ZFAND3: variants seen among roughly 807,000 people sequenced by gnomAD.
The protein encoded by ZFAND3 is AN1-type zinc finger protein 3.
Under a neutral mutation model 29.6 loss-of-function variants are expected in ZFAND3, and 10 were observed. The ratio of observed to expected loss-of-function variants is 0.34; its 90% CI spans 0.21 to 0.57. ZFAND3 has a LOEUF of 0.57. Ranked by LOEUF, ZFAND3 falls within the 20% of genes least tolerant of loss-of-function variation. The probability of loss-of-function intolerance (pLI) is 0.86; values close to 1 mark genes in which losing one functional copy is unlikely to be tolerated. For synonymous variants in ZFAND3, 128 were observed against 112.6 expected (o/e 1.14, Z -0.87); for missense variants, 230 against 304.5 (o/e 0.76, Z 1.82).
At chr6:38,002,452 G>A (rs1038591738) in intron 2 of ZFAND3, among the ~76,000 whole-genome samples, 1 of 152,012 alleles carries the variant, frequency 6.6e-6, no homozygotes, top group African/African-American at 2.4e-5. Context: ...GCTGAGGCGG[G>A]CGGATTGCTT....
chr6:37,920,252 T>C (rs1277324375), intron 1 of ZFAND3, among the ~76,000 whole-genome samples: 1 of 152,038 alleles, frequency 6.6e-6, no homozygotes, highest in Non-Finnish European at 1.5e-5. Context: ...TTAGAGTTGA[T>C]AGCCTCATTA....
intron 1 of ZFAND3, among the ~76,000 whole-genome samples, chr6:37,891,697 G>A (rs1425631009): frequency 6.6e-6 from 1 of 152,152 alleles, no homozygotes; most frequent in African/African-American, 2.4e-5. Flanking sequence ...TACATTTATA[G>A]CACATTTCAC....
Position 37,849,599 on chromosome 6 carries a change from G to A in ZFAND3, c.71+29583G>A, listed in dbSNP as rs1034187125. Among the ~76,000 whole-genome samples the A allele has an allele frequency of 1.1e-4, 17 of 151,956 alleles. 1 individual carries two copies. Among genetic ancestry groups the A allele is most frequent in the East Asian group, 1.9e-4 (1 of 5,174 alleles). ...AATTTTTTGTATTTTTAGTAGAGAC[G>A]GGGTTTCACCATATTGACCAGGCTG... On this transcript the variant is annotated intron_variant, in intron 1 of 5. Transcript: ENST00000287218.
chr6:37,898,898 C>CTTATTTATTTAT (rs60885835), intron 1 of ZFAND3, among the ~76,000 whole-genome samples: 237 of 151,110 alleles, frequency 1.6e-3, no homozygotes, highest in African/African-American at 5.3e-3. Flanking sequence ...ATATTCATTT[C>CTTATTTATTTAT]TTATTTATTT....
chr6:37,890,056 TAAG>T (rs903151699), intron 1 of ZFAND3, among the ~76,000 whole-genome samples: 2 of 152,110 alleles, frequency 1.3e-5, no homozygotes, highest in African/African-American at 4.8e-5. Flanking sequence ...TTTTAGATAA[TAAG>T]AAAAAACAGG....
At chr6:38,070,624 T>A (rs1047630411) in intron 3 of ZFAND3, among the ~76,000 whole-genome samples, 2 of 152,202 alleles carry the variant, frequency 1.3e-5, no homozygotes, top group African/African-American at 4.8e-5. Context: ...TTCACTATTA[T>A]GAGCCATGTC....
intron 1 of ZFAND3, among the ~76,000 whole-genome samples, chr6:37,823,507 A>G (rs556996655): frequency 1.3e-5 from 2 of 152,266 alleles, no homozygotes; most frequent in East Asian, 3.9e-4. Context: ...TCAGGACACT[A>G]ATCAGTGTGG....
Position 37,952,638 on chromosome 6 carries a change from C to T in ZFAND3, c.112+22639C>T, listed in dbSNP as rs139384036. On this transcript the variant is annotated intron_variant, in intron 2 of 5. Transcript: ENST00000287218. ...CTGCCACTTCTCCATACAGCTCTTC[C>T]TGTCAGCTCAAATGTCTGTGGGGGT... is the stretch of plus-strand genomic sequence containing the variant. 2.0e-5 allele frequency among the ~76,000 whole-genome samples: 3 copies of T among 152,174 alleles called. No homozygotes were observed. The East Asian group carries it at 5.8e-4, about 29-fold the overall frequency.
At position 38,152,207 on chromosome 6, in the gene ZFAND3, C is replaced by G. The variant is rs200631614; in HGVS notation, c.530-28C>G. On this transcript the variant is annotated intron_variant, in intron 5 of 5. Coordinates refer to ENST00000287218, the MANE Select transcript of ZFAND3 (RefSeq NM_021943.3). ...CACTTGGAGGCCACCCTAACACACT[C>G]TTTCCTCTGCTTCTCCCGCTGCTGC... 1,451 of 1,488,760 alleles carry G rather than the reference C, an allele frequency of 9.7e-4. 4 individuals carry two copies. Among genetic ancestry groups the G allele is most frequent in the Non-Finnish European group, 8.4e-4 (933 of 1,115,726 alleles). The allele number at this position is 1,488,760 out of a possible 1,614,324, so 92.2% of individuals were successfully genotyped here.
chr6:37,858,864 C>G (rs929818058), intron 1 of ZFAND3, among the ~76,000 whole-genome samples: 33 of 152,218 alleles, frequency 2.2e-4, no homozygotes, highest in Non-Finnish European at 4.4e-4. Context: ...TGCTCTGCTG[C>G]AAACACCTTT....
intron 5 of ZFAND3, among the ~76,000 whole-genome samples, chr6:38,122,773 G>A (rs1165494722): frequency 1.3e-5 from 2 of 152,180 alleles, no homozygotes; most frequent in Non-Finnish European, 2.9e-5. Context: ...CAAGGTATAG[G>A]TATAAGGTAT....
intron 2 of ZFAND3, among the ~76,000 whole-genome samples, chr6:37,939,153 C>T (rs1761756592): frequency 6.6e-6 from 1 of 152,176 alleles, no homozygotes; most frequent in South Asian, 2.1e-4. Context: ...TTGCCATACA[C>T]TTGGTGGTTT....
chr6:38,014,533 G>A (rs1044404381), intron 2 of ZFAND3, among the ~76,000 whole-genome samples: 5 of 151,814 alleles, frequency 3.3e-5, no homozygotes, highest in African/African-American at 9.7e-5. Flanking sequence ...TGTCATATGA[G>A]TCAGGCTGGT....
chr6:37,867,599 A>C (rs1207309738), intron 1 of ZFAND3, among the ~76,000 whole-genome samples: 2 of 152,190 alleles, frequency 1.3e-5, no homozygotes, highest in East Asian at 1.9e-4. Context: ...TTCATTCCAC[A>C]TTAGTGGTAC....
At chr6:37,937,907 TGTTGGATG>T (rs1331470785) in intron 2 of ZFAND3, among the ~76,000 whole-genome samples, 2 of 152,208 alleles carry the variant, frequency 1.3e-5, no homozygotes, top group African/African-American at 4.8e-5. Context: ...GGTAGGTATC[TGTTGGATG>T]GTTGGGTGTC....
chr6:38,059,251 A>G (rs528066928), intron 2 of ZFAND3, among the ~76,000 whole-genome samples: 128 of 152,280 alleles, frequency 8.4e-4, no homozygotes, highest in African/African-American at 2.9e-3. Context: ...TATTTCCTTG[A>G]ATGTTTTTAT....
At chr6:37,820,608 C>T (rs531041731) in intron 1 of ZFAND3, among the ~76,000 whole-genome samples, 32 of 152,178 alleles carry the variant, frequency 2.1e-4, no homozygotes, top group Non-Finnish European at 3.4e-4. Context: ...TGAGGTCTCA[C>T]CTTCATGTAA....
intron 1 of ZFAND3, among the ~76,000 whole-genome samples, chr6:37,906,910 AAATT>A (rs1316927190): frequency 2.0e-5 from 3 of 152,034 alleles, no homozygotes; most frequent in Non-Finnish European, 4.4e-5. Context: ...TTTGATTATG[AAATT>A]AATTTATGTA....
intron 1 of ZFAND3, among the ~76,000 whole-genome samples, chr6:37,826,289 A>G (rs928230779): frequency 8.5e-5 from 13 of 152,216 alleles, no homozygotes; most frequent in African/African-American, 2.9e-4. Context: ...CTTCATTCCA[A>G]CTGTGTGGAT....
Sources: allele counts gnomAD v4.1 joint callset (sites outside exome capture counted in the v4.1 genomes callset), GRCh38; gene constraint gnomAD v4.1.1; transcripts MANE v1.5; gene names NCBI Gene and HGNC (gene_info 2026-07-23, HGNC 2026-07-21).